SPAST: variants seen among roughly 807,000 people sequenced by gnomAD.
SPAST encodes the protein spastic paraplegia 4 (autosomal dominant; spastin).
In SPAST, 30 loss-of-function variants were observed where a neutral mutation model predicts 76.6. The observed-to-expected ratio is 0.39, with a 90% confidence interval of 0.29 to 0.53. The LOEUF (loss-of-function observed/expected upper bound fraction) is 0.53. Ranked by LOEUF, SPAST falls within the 20% of genes least tolerant of loss-of-function variation. The pLI is 0.68. For missense variants in SPAST, 717 were observed against 770.5 expected, an observed-to-expected ratio of 0.93 and a Z score of 0.82; for synonymous variants, 305 against 281.0, an observed-to-expected ratio of 1.09 and a Z score of -0.86.
Position 32,114,734 on chromosome 2 carries a change from T to C in SPAST, c.779T>C (p.Leu260Pro). 2 of 1,614,076 alleles carry C rather than the reference T, an allele frequency of 1.2e-6. No homozygotes were observed. Among genetic ancestry groups the C allele is most frequent in the Admixed American group, 3.3e-5 (2 of 60,020 alleles). The change falls in exon 5 of 17, where the codon CTT (leucine) becomes CCT (proline). Residue 260 changes from leucine (L) to proline (P), a missense_variant. Physicochemically the swap from Leu to Pro is moderately conservative, Grantham distance 98. Transcript: ENST00000315285. ...GTTATGAAAACTGGATCTGCAGGCC[T>C]TTCAGGCCACCATAGAGCACCTAGT... Reference protein sequence around the residue: ...KTVMKTGSAGLSGHHRAPSYS... With the variant: ...KTVMKTGSAGPSGHHRAPSYS...
chr2:32,106,133 T>C (rs1573099546), intron 4 of SPAST, among the ~76,000 whole-genome samples: 1 of 152,158 alleles, frequency 6.6e-6, no homozygotes, highest in East Asian at 1.9e-4. Flanking sequence ...CTAGCTGCTT[T>C]GTTTACCCAC....
At position 32,098,675 on chromosome 2, in the gene SPAST, T is replaced by C. The variant is rs1217354628; in HGVS notation, c.587-121T>C. The stretch of plus-strand genomic sequence containing the variant: ...ATTTTATATAAATGCAAAAACTTTT[T>C]ATCATGTAACAATCTGGTAACACCT... On this transcript the variant is annotated intron_variant, in intron 3 of 16. Coordinates refer to ENST00000315285, the MANE Select transcript of SPAST (RefSeq NM_014946.4). 6 of 640,078 alleles carry C rather than the reference T, an allele frequency of 9.4e-6. No individual in the cohort carries two copies. In the East Asian group the frequency reaches 1.7e-4, roughly 18 times the overall value. The allele number at this position is 640,078 out of a possible 1,614,324, so 39.6% of individuals were successfully genotyped here.
At chr2:32,074,760 G>C (rs1302282395) in intron 1 of SPAST, among the ~76,000 whole-genome samples, 1 of 152,080 alleles carries the variant, frequency 6.6e-6, no homozygotes, top group African/African-American at 2.4e-5. Context: ...ATCTGCCTCA[G>C]CCTCCCAAAG....
chr2:32,110,672 A>G (rs916311712), intron 4 of SPAST, among the ~76,000 whole-genome samples: 2 of 138,788 alleles, frequency 1.4e-5, no homozygotes, highest in African/African-American at 5.3e-5. Flanking sequence ...TATATAGTAT[A>G]TATAGTGTAT....
intron 4 of SPAST, among the ~76,000 whole-genome samples, chr2:32,109,229 C>T (rs1268501837): frequency 6.6e-6 from 1 of 152,066 alleles, no homozygotes; most frequent in African/African-American, 2.4e-5. Context: ...CTGTCTCAGC[C>T]TCCCCGGTAG....
intron 3 of SPAST, among the ~76,000 whole-genome samples, chr2:32,092,036 T>TGTC (rs1410673510): frequency 6.6e-6 from 1 of 152,176 alleles, no homozygotes; most frequent in Non-Finnish European, 1.5e-5. Flanking sequence ...TTTACCTGAC[T>TGTC]GTCATCACCT....
At chr2:32,113,797 C>T (rs1678714025) in intron 4 of SPAST, among the ~76,000 whole-genome samples, 1 of 151,894 alleles carries the variant, frequency 6.6e-6, no homozygotes, top group African/African-American at 2.4e-5. Flanking sequence ...GAACTACTGA[C>T]ATCAGGTGAT....
chr2:32,076,461 A>T (rs960210542), intron 1 of SPAST, among the ~76,000 whole-genome samples: 17 of 152,064 alleles, frequency 1.1e-4, no homozygotes, highest in African/African-American at 4.1e-4. Context: ...GCCTCAAGCA[A>T]TCCTCCTACC....
chr2:32,117,070 C>T (rs1047616733), intron 7 of SPAST, among the ~76,000 whole-genome samples: 1 of 151,942 alleles, frequency 6.6e-6, no homozygotes, highest in Non-Finnish European at 1.5e-5. Context: ...ACCATCCTGG[C>T]TAATATGGTG....
In SPAST at chr2:32,154,526, T is replaced by G. The variant is rs572124700; in HGVS notation, c.*30T>G. ...ATACCTTTGTAAACCTGCAGAACAT[T>G]TTACTTAAAAGAGGAAACACAAGAT... is the stretch of plus-strand genomic sequence containing the variant. On this transcript the variant is annotated 3_prime_UTR_variant, in exon 17 of 17. Transcript: ENST00000315285. The G allele has an allele frequency of 5.0e-6, 8 of 1,611,268 alleles. No homozygotes were observed. Among genetic ancestry groups the G allele is most frequent in the Non-Finnish European group, 6.8e-6 (8 of 1,177,644 alleles).
rs1678763526 is a variant in SPAST at position 32,114,805 on chromosome 2, C to T, written c.850C>T (p.Pro284Ser). 1 of 1,613,788 alleles carries T rather than the reference C, an allele frequency of 6.2e-7. No individual in the cohort carries two copies. The highest frequency in any genetic ancestry group is 8.5e-7 in the Non-Finnish European group (1 of 1,179,834). The change falls in exon 5 of 17, where the codon CCT (proline) becomes TCT (serine). Residue 284 changes from proline to serine, a missense_variant. Pro to Ser is a moderately conservative substitution (Grantham distance 74). Coordinates refer to ENST00000315285, the MANE Select transcript of SPAST (RefSeq NM_014946.4). Reference sequence around the variant, plus strand: ...TTCTGGAGTGAAACAGGGATCTGGTCCTGCTCCTACCACTCATAAGGTATT... The same window carrying T: ...TTCTGGAGTGAAACAGGGATCTGGTTCTGCTCCTACCACTCATAAGGTATT... ...MVSGVKQGSG[P>S]APTTHKGTPK...
chr2:32,089,542 A>G lies in SPAST; in HGVS notation c.523A>G (p.Arg175Gly), dbSNP rs1398681339. 1.3e-6 allele frequency: 2 copies of G among 1,598,058 alleles called. No individual in the cohort carries two copies. The highest frequency in any genetic ancestry group is 1.7e-6 in the Non-Finnish European group (2 of 1,165,548). The part of the protein sequence containing the change: ...TGQGEQCERA[R>G]RLQAKMMTNL... ...TTCAGGTGAACAGTGTGAAAGAGCT[A>G]GACGCCTTCAAGCTAAAATGATGAC... Residue 175 changes from arginine (R) to glycine (G), a missense_variant, in exon 3 of 17, where the codon AGA becomes GGA. Arg to Gly is a moderately radical substitution (Grantham distance 125). Around this residue, in one of 3 missense-constraint regions of SPAST, gnomAD observed 543 missense variants for 445.2 expected, o/e 1.22. Transcript: ENST00000315285.
At chr2:32,120,569 G>A (rs1399521684) in intron 7 of SPAST, among the ~76,000 whole-genome samples, 1 of 140,538 alleles carries the variant, frequency 7.1e-6, no homozygotes, top group Non-Finnish European at 1.5e-5. Flanking sequence ...TGTTAACTCA[G>A]GTCTTTTTTT....
chr2:32,064,304 C>CGCG, intron 1 of SPAST, 58 bp downstream of exon 1: 2 of 362,230 alleles, frequency 5.5e-6, no homozygotes, highest in Admixed American at 4.3e-5. Context: ...GTGGGGTCGC[C>CGCG]GGGGGAGGGC....
chr2:32,131,059 C>T (rs2148748666), intron 9 of SPAST, among the ~76,000 whole-genome samples: 1 of 152,310 alleles, frequency 6.6e-6, no homozygotes, highest in South Asian at 2.1e-4. Context: ...TAGCCTCCAT[C>T]ACTATGATAG....
intron 9 of SPAST, among the ~76,000 whole-genome samples, chr2:32,135,394 G>T (rs1679504778): frequency 6.6e-6 from 1 of 152,042 alleles, no homozygotes; most frequent in Non-Finnish European, 1.5e-5. Context: ...CTCCCAAAGT[G>T]CTGGGATTAC....
At chr2:32,066,629 C>T (rs1042737091) in intron 1 of SPAST, among the ~76,000 whole-genome samples, 3 of 151,718 alleles carry the variant, frequency 2.0e-5, no homozygotes, top group African/African-American at 4.8e-5. Flanking sequence ...GATCGTGCCA[C>T]TACACTCCAG....
At chr2:32,145,394 G>T (rs1198872295) in intron 15 of SPAST, among the ~76,000 whole-genome samples, 1 of 152,204 alleles carries the variant, frequency 6.6e-6, no homozygotes, top group African/African-American at 2.4e-5. Flanking sequence ...ACCATGCCCA[G>T]CCTTAAAACC....
chr2:32,111,441 ATACTG>A (rs1261864264), intron 4 of SPAST, among the ~76,000 whole-genome samples: 1 of 146,640 alleles, frequency 6.8e-6, no homozygotes, highest in East Asian at 2.3e-4. Context: ...TATATATAGT[ATACTG>A]TATAGTATAT....
Sources: gnomAD v4.1 joint callset for allele counts (sites outside exome capture counted in the v4.1 genomes callset) on GRCh38, gnomAD v4.1.1 for gene constraint, gnomAD v4.1.1 regional missense constraint, MANE v1.5 for transcripts, NCBI Gene and HGNC (gene_info 2026-07-23, HGNC 2026-07-21) for gene names.